Variants in SSR1 observed in about 807,000 individuals in gnomAD.
The protein encoded by SSR1 is translocon-associated protein subunit alpha.
In SSR1, 13 loss-of-function variants were observed where a neutral mutation model predicts 36.1. The ratio of observed to expected loss-of-function variants is 0.36; its 90% CI spans 0.23 to 0.57. The LOEUF (loss-of-function observed/expected upper bound fraction) is 0.57, where lower values mean the gene tolerates loss of function less well. SSR1 is among the 20% of genes least tolerant of loss of function. The pLI is 0.81. For synonymous variants in SSR1, 113 were observed against 118.9 expected, an observed-to-expected ratio of 0.95 and a Z score of 0.32; for missense variants, 291 against 338.5, an observed-to-expected ratio of 0.86 and a Z score of 1.10.
chr6:7,309,984 A>T lies in SSR1; in HGVS notation c.125T>A (p.Val42Glu), dbSNP rs1427184440. Residue 42 changes from valine (V) to glutamate (E), a missense_variant, in exon 2 of 8, where the codon GTA becomes GAA. By Grantham distance (121) the Val-to-Glu change is moderately radical. Transcript: ENST00000244763. ...AQDLTEDEETVEDSIIEDEDD... is the reference protein window; with the variant it reads ...AQDLTEDEETEEDSIIEDEDD... ...TTCATCCTCAATTATGGAATCTTCT[A>T]CTGTTTCTTCATCCTCTGTAAGATC... 1 of 1,613,852 alleles carries T rather than the reference A, an allele frequency of 6.2e-7. No individual in the cohort carries two copies.
Position 7,289,434 on chromosome 6 carries a change from T to C in SSR1, c.*430A>G, listed in dbSNP as rs1318299011. 1 of 162,540 alleles carries C rather than the reference T, an allele frequency of 6.2e-6. No homozygotes were observed. Among genetic ancestry groups the C allele is most frequent in the Admixed American group, 6.5e-5 (1 of 15,448 alleles). 10.1% of individuals were successfully genotyped at this position (162,540 alleles called of 1,614,324 possible). A position where few individuals can be genotyped will look rare whatever the true frequency, so the allele number is the denominator to read the frequency against. On this transcript the variant is annotated 3_prime_UTR_variant, in exon 8 of 8. Coordinates refer to ENST00000244763, the MANE Select transcript of SSR1 (RefSeq NM_003144.5). ...GTGCCATCAATTGAAATTTGAGCTA[T>C]TCCAAAAATTGTTTTCTTTAAAACT...
chr6:7,298,100 T>G, intron 5 of SSR1, 99 bp from the exon 6 acceptor site: 1 of 883,892 alleles, frequency 1.1e-6, no homozygotes, highest in Non-Finnish European at 1.7e-6. Context: ...GCTTTCCAAA[T>G]AACTTGTGGC....
At position 7,295,378 on chromosome 6, in the gene SSR1, G is replaced by C. The variant is rs1485521184; in HGVS notation, c.793+14C>G. Reference sequence around the variant, plus strand: ...AGAGAAAAACTTCCCAGCCAAGTCTGTAAGACTACTTACTGATTTGATTCA... The same window carrying C: ...AGAGAAAAACTTCCCAGCCAAGTCTCTAAGACTACTTACTGATTTGATTCA... On this transcript the variant is annotated intron_variant, in intron 7 of 7. Transcript: ENST00000244763. The C allele has an allele frequency of 6.3e-7, 1 of 1,592,458 alleles. No individual in the cohort carries two copies. The highest frequency in any genetic ancestry group is 8.6e-7 in the Non-Finnish European group (1 of 1,165,494).
At position 7,281,707 on chromosome 6, in the gene SSR1, T is replaced by C. The variant is rs1757422619; in HGVS notation, c.*8157A>G. ...GTACAAAACACCATACTTGGGGCTA[T>C]ATGCGATTTCAGGTTGGATAAACGA... On this transcript the variant is annotated 3_prime_UTR_variant, in exon 8 of 8. Coordinates refer to ENST00000244763, the MANE Select transcript of SSR1 (RefSeq NM_003144.5). 1 of 152,204 alleles carries C rather than the reference T, an allele frequency of 6.6e-6. No homozygotes were observed. The highest frequency in any genetic ancestry group is 2.4e-5 in the African/African-American group (1 of 41,448). The allele number at this position is 152,204 out of a possible 1,614,324, so 9.4% of individuals were successfully genotyped here. A position where few individuals can be genotyped will look rare whatever the true frequency, so the allele number is the denominator to read the frequency against.
chr6:7,312,394 T>G (rs1227655346), intron 1 of SSR1, among the ~76,000 whole-genome samples: 1 of 152,128 alleles, frequency 6.6e-6, no homozygotes, highest in Non-Finnish European at 1.5e-5. Context: ...CCCACAGGGA[T>G]TCTTCAGTCT....
At position 7,301,592 on chromosome 6, in the gene SSR1, C is replaced by CAAA; in HGVS notation, c.281-23_281-21dup. 2.5e-6 allele frequency: 4 copies of CAAA among 1,588,268 alleles called. No homozygotes were observed. The highest frequency in any genetic ancestry group is 1.1e-5 in the South Asian group (1 of 87,462). The stretch of plus-strand genomic sequence containing the variant: ...GAAAATCTGAGAAACAAAATAGAGA[C>CAAA]AAAAAAATTAGAACACATGGAAAGA... On this transcript the variant is annotated intron_variant, in intron 3 of 7. Transcript: ENST00000244763.
Position 7,289,669 on chromosome 6 carries a change from A to C in SSR1, c.*195T>G, listed in dbSNP as rs1255843082. ...ATAGATTTTAATGGTTTAAAAAAAA[A>C]CCAAATTTGTTACTTTAGAAAAATG... is the stretch of plus-strand genomic sequence containing the variant. On this transcript the variant is annotated 3_prime_UTR_variant, in exon 8 of 8. Transcript: ENST00000244763. 2.6e-5 allele frequency: 15 copies of C among 576,712 alleles called. No homozygotes were observed. The highest frequency in any genetic ancestry group is 1.4e-4 in the East Asian group (4 of 29,450). The allele number at this position is 576,712 out of a possible 1,614,324, so 35.7% of individuals were successfully genotyped here.
At chr6:7,301,183 T>G in intron 4 of SSR1, 127 bp downstream of exon 4, 1 of 1,173,308 alleles carries the variant, frequency 8.5e-7, no homozygotes, top group Non-Finnish European at 1.2e-6. Flanking sequence ...TATCTTTGCT[T>G]CCCTGGTGGC....
intron 1 of SSR1, among the ~76,000 whole-genome samples, 161 bp downstream of exon 1, chr6:7,312,881 C>A (rs370793699): frequency 1.3e-5 from 2 of 152,338 alleles, no homozygotes; most frequent in East Asian, 1.9e-4. Flanking sequence ...CCCGCGGGGA[C>A]CCCTGCTGCT....
At chr6:7,291,511 C>T (rs1757680537) in intron 7 of SSR1, among the ~76,000 whole-genome samples, 1 of 152,196 alleles carries the variant, frequency 6.6e-6, no homozygotes, top group Non-Finnish European at 1.5e-5. Flanking sequence ...GCTCTCACTA[C>T]TTCATTAAGT....
chr6:7,303,716 C>A, intron 2 of SSR1, 79 bp from the exon 3 acceptor site: 1 of 1,113,398 alleles, frequency 9.0e-7, no homozygotes, highest in Non-Finnish European at 1.3e-6. Context: ...TTTGGCCGGG[C>A]ACGGTGGCTC....
At chr6:7,301,196 T>A in intron 4 of SSR1, 114 bp downstream of exon 4, 1 of 1,294,402 alleles carries the variant, frequency 7.7e-7, no homozygotes, top group Non-Finnish European at 1.1e-6. Flanking sequence ...CTGGTGGCTA[T>A]CACAGGTTCA....
At chr6:7,299,468 C>T (rs1757880873) in intron 4 of SSR1, among the ~76,000 whole-genome samples, 1 of 152,026 alleles carries the variant, frequency 6.6e-6, no homozygotes, top group Admixed American at 6.6e-5. Context: ...GCAGGCCAAC[C>T]GAGGCAGATC....
intron 5 of SSR1, 36 bp from the exon 6 acceptor site, chr6:7,298,037 T>C (rs958815262): frequency 1.3e-6 from 2 of 1,509,082 alleles, no homozygotes; most frequent in East Asian, 2.3e-5. Context: ...CTGTCTTTAA[T>C]TCAGAGGAAA....
At chr6:7,308,385 G>C (rs530280912) in intron 2 of SSR1, among the ~76,000 whole-genome samples, 28 of 152,148 alleles carry the variant, frequency 1.8e-4, no homozygotes, top group South Asian at 2.1e-4. Flanking sequence ...CTATATATAA[G>C]AATAAATATT....
At position 7,281,314 on chromosome 6, in the gene SSR1, A is replaced by G. The variant is rs1217022850; in HGVS notation, c.*8550T>C. On this transcript the variant is annotated 3_prime_UTR_variant, in exon 8 of 8. Coordinates refer to ENST00000244763, the MANE Select transcript of SSR1 (RefSeq NM_003144.5). ...TACAAACTGATACCCAAATAACAGA[A>G]ATGTTTCTCAAAGCTGCACAAGAAT... 2 of 150,538 alleles carry G rather than the reference A, an allele frequency of 1.3e-5. No homozygotes were observed. The highest frequency in any genetic ancestry group is 4.8e-5 in the African/African-American group (2 of 41,412). The allele number at this position is 150,538 out of a possible 1,614,324, so 9.3% of individuals were successfully genotyped here. A position where few individuals can be genotyped will look rare whatever the true frequency, so the allele number is the denominator to read the frequency against.
At chr6:7,312,979 C>G (rs748531742) in intron 1 of SSR1, 63 bp downstream of exon 1, 2 of 1,526,734 alleles carry the variant, frequency 1.3e-6, no homozygotes, top group South Asian at 1.2e-5. Flanking sequence ...CCTCCAACTT[C>G]AAACTTGCCA....
intron 7 of SSR1, among the ~76,000 whole-genome samples, 196 bp from the exon 8 acceptor site, chr6:7,290,127 C>T (rs1408749): frequency 0.73 from 111,073 of 152,166 alleles, 41,039 homozygotes; most frequent in African/African-American, 0.82. Context: ...AAGAGGTAAC[C>T]CCAATTAAAA....
At chr6:7,304,553 T>G (rs766710563) in intron 2 of SSR1, among the ~76,000 whole-genome samples, 7 of 152,202 alleles carry the variant, frequency 4.6e-5, no homozygotes, top group Non-Finnish European at 7.3e-5. Context: ...CCTGGGTTGA[T>G]AGAAACGTCC....
Sources: gnomAD v4.1 joint callset for allele counts (sites outside exome capture counted in the v4.1 genomes callset) on GRCh38, gnomAD v4.1.1 for gene constraint, MANE v1.5 for transcripts, NCBI Gene and HGNC (gene_info 2026-07-23, HGNC 2026-07-21) for gene names.